The following ANGPT1 variants were observed in gnomAD, a reference collection of about 807,000 sequenced individuals.
ANGPT1 encodes angiopoietin 1, also known as angiopoietin-1.
A neutral mutation model predicts 62.2 loss-of-function variants in ANGPT1; 17 were observed. That is an observed-to-expected ratio of 0.27 (90% CI 0.19 to 0.41). ANGPT1 has a LOEUF of 0.41. Among genes scored for constraint, ANGPT1 ranks in the 10% least tolerant of loss-of-function variants. The pLI is 1.00. For synonymous variants in ANGPT1, 199 were observed against 198.9 expected, an observed-to-expected ratio of 1.00 and a Z score of 0.00; for missense variants, 478 against 594.9, an observed-to-expected ratio of 0.80 and a Z score of 2.04.
chr8:107,398,591 T>A (rs1313915552), intron 1 of ANGPT1, among the ~76,000 whole-genome samples: 1 of 151,226 alleles, frequency 6.6e-6, no homozygotes, highest in Non-Finnish European at 1.5e-5. Flanking sequence ...GAAGTTCTGC[T>A]GATGGGTCAT....
At chr8:107,456,065 A>G (rs1811910844) in intron 1 of ANGPT1, among the ~76,000 whole-genome samples, 1 of 152,080 alleles carries the variant, frequency 6.6e-6, no homozygotes, top group Non-Finnish European at 1.5e-5. Context: ...GAGCAACATG[A>G]TTGTATTAAT....
chr8:107,303,338 C>T lies in ANGPT1; in HGVS notation c.838G>A (p.Glu280Lys). ...TCTGCACAGTCTCTAAATGGTTTCT[C>T]TTCCTCTCTTTTTCCTCCCTTTAGT... ...VLLKGGKREE[E>K]KPFRDCADVY... Residue 280 changes from glutamate (E) to lysine (K), a missense_variant, in exon 5 of 9, where the codon GAG (glutamate) becomes AAG (lysine). Physicochemically the swap from Glu to Lys is moderately conservative, Grantham distance 56. Transcript: ENST00000517746. 6.3e-7 allele frequency: 1 copy of T among 1,596,082 alleles called. No homozygotes were observed.
At chr8:107,402,220 G>A (rs1482917601) in intron 1 of ANGPT1, among the ~76,000 whole-genome samples, 1 of 152,120 alleles carries the variant, frequency 6.6e-6, no homozygotes. Flanking sequence ...TTAACGCACT[G>A]CCAATCCTAA....
At chr8:107,291,433 GAC>G (rs1814269809) in intron 6 of ANGPT1, among the ~76,000 whole-genome samples, 1 of 136,164 alleles carries the variant, frequency 7.3e-6, no homozygotes, top group Admixed American at 7.8e-5. Context: ...TTTGTTTTTA[GAC>G]AGAGTCTTTC....
chr8:107,476,289 C>T (rs1457272217), intron 1 of ANGPT1, among the ~76,000 whole-genome samples: 1 of 152,114 alleles, frequency 6.6e-6, no homozygotes, highest in African/African-American at 2.4e-5. Context: ...TTTGTAAGGA[C>T]ATGGATGAAG....
intron 1 of ANGPT1, among the ~76,000 whole-genome samples, chr8:107,390,245 G>T (rs1313381897): frequency 6.6e-6 from 1 of 152,054 alleles, no homozygotes; most frequent in Admixed American, 6.6e-5. Context: ...TTAGAAAGGG[G>T]CCTGCAAGTA....
chr8:107,465,213 C>T (rs1227731655), intron 1 of ANGPT1, among the ~76,000 whole-genome samples: 1 of 152,026 alleles, frequency 6.6e-6, no homozygotes, highest in African/African-American at 2.4e-5. Context: ...AATGTCAGAA[C>T]TTTATGGACT....
chr8:107,340,289 A>G (rs932796592), intron 2 of ANGPT1, among the ~76,000 whole-genome samples: 2 of 152,232 alleles, frequency 1.3e-5, no homozygotes, highest in Non-Finnish European at 2.9e-5. Context: ...CCCTCAAGGA[A>G]CAATTTCAAA....
At chr8:107,456,164 T>C (rs1811912732) in intron 1 of ANGPT1, among the ~76,000 whole-genome samples, 1 of 152,106 alleles carries the variant, frequency 6.6e-6, no homozygotes, top group African/African-American at 2.4e-5. Context: ...TGTTGTTATG[T>C]TTAAGTCAAC....
At chr8:107,414,123 T>C (rs577576136) in intron 1 of ANGPT1, among the ~76,000 whole-genome samples, 3 of 152,272 alleles carry the variant, frequency 2.0e-5, no homozygotes, top group African/African-American at 7.2e-5. Context: ...TTAATCGTTC[T>C]GCTAGGAACC....
At chr8:107,477,865 G>A (rs1461318534) in intron 1 of ANGPT1, among the ~76,000 whole-genome samples, 1 of 151,978 alleles carries the variant, frequency 6.6e-6, no homozygotes. Flanking sequence ...GTAATTCACC[G>A]TTTTGGGTGC....
At chr8:107,337,239 A>G (rs1283459613) in intron 2 of ANGPT1, among the ~76,000 whole-genome samples, 1 of 152,190 alleles carries the variant, frequency 6.6e-6, no homozygotes, top group Non-Finnish European at 1.5e-5. Context: ...AAAATTAAGG[A>G]GACGGTGAGT....
chr8:107,303,466 C>T, intron 4 of ANGPT1, 99 bp from the exon 5 acceptor site: 2 of 1,023,012 alleles, frequency 2.0e-6, no homozygotes, highest in East Asian at 2.4e-5. Context: ...ATTTCCTCCA[C>T]ACAAATGTCA....
intron 1 of ANGPT1, among the ~76,000 whole-genome samples, chr8:107,412,195 G>A (rs1810601074): frequency 2.0e-5 from 3 of 152,050 alleles, no homozygotes; most frequent in South Asian, 2.1e-4. Context: ...GGAGATTTTC[G>A]CAGAAGCCCC....
chr8:107,441,006 C>T (rs938398007), intron 1 of ANGPT1, among the ~76,000 whole-genome samples: 7 of 152,170 alleles, frequency 4.6e-5, no homozygotes, highest in Non-Finnish European at 8.8e-5. Flanking sequence ...CATGGCAATG[C>T]TTTCAGGTTT....
Position 107,373,787 on chromosome 8 carries a change from G to T in ANGPT1, c.298-26690C>A, listed in dbSNP as rs541379617. Among the ~76,000 whole-genome samples the T allele has an allele frequency of 1.8e-4, 28 of 152,286 alleles. 1 individual carries two copies. The South Asian group carries it at 5.6e-3, about 30-fold the overall frequency. On this transcript the variant is annotated intron_variant, in intron 1 of 8. Transcript: ENST00000517746. ...GCTTTCAGGAAAAATCTGACTTATT[G>T]TGTCTTATAATGAAGTAGAAAGACT...
At chr8:107,407,534 C>G in intron 1 of ANGPT1, among the ~76,000 whole-genome samples, 1 of 152,098 alleles carries the variant, frequency 6.6e-6, no homozygotes, top group East Asian at 1.9e-4. Flanking sequence ...CTACCTGGAC[C>G]TCATTCAAGG....
chr8:107,257,876 G>GTTTTTTTTTTTTTTTTTTTTTTTTTT (rs1371396961), intron 8 of ANGPT1, among the ~76,000 whole-genome samples: 6 of 85,300 alleles, frequency 7.0e-5, no homozygotes, highest in Non-Finnish European at 1.2e-4. Context: ...ACTTGTTTTT[G>GTTTTTTTTTTTTTTTTTTTTTTTTTT]TTTCTTTTTT....
At chr8:107,332,156 G>C (rs1315289892) in intron 3 of ANGPT1, among the ~76,000 whole-genome samples, 1 of 152,230 alleles carries the variant, frequency 6.6e-6, no homozygotes, top group East Asian at 1.9e-4. Context: ...AAACATACTG[G>C]AGGAAACTAG....
Sources: allele counts gnomAD v4.1 joint callset (sites outside exome capture counted in the v4.1 genomes callset), GRCh38; gene constraint gnomAD v4.1.1; transcripts MANE v1.5; gene names NCBI Gene and HGNC (gene_info 2026-07-23, HGNC 2026-07-21).